Variants in FILIP1L observed in about 807,000 individuals in gnomAD.
FILIP1L encodes filamin A-interacting protein 1-like.
Under a neutral mutation model 96.6 loss-of-function variants are expected in FILIP1L, and 55 were observed. The observed-to-expected ratio is 0.57, with a 90% CI of 0.46 to 0.71. The LOEUF (loss-of-function observed/expected upper bound fraction) is 0.71, where lower values mean the gene tolerates loss of function less well. Ranked by LOEUF, FILIP1L falls within the 30% of genes least tolerant of loss-of-function variation. The pLI, the probability that FILIP1L is intolerant of heterozygous loss-of-function variation, is 0.00. For missense variants in FILIP1L, 1,304 were observed against 1,321.2 expected, an observed-to-expected ratio of 0.99 and a Z score of 0.20; for synonymous variants, 467 against 473.9, an observed-to-expected ratio of 0.99 and a Z score of 0.19.
chr3:99,969,103 A>AG (rs955243745), intron 1 of FILIP1L, among the ~76,000 whole-genome samples: 3 of 152,162 alleles, frequency 2.0e-5, no homozygotes, highest in Non-Finnish European at 4.4e-5. Flanking sequence ...AGTGCTGAAA[A>AG]GGGGGGCCAT....
At chr3:100,018,924 G>A (rs974824258) in intron 1 of FILIP1L, among the ~76,000 whole-genome samples, 3 of 152,028 alleles carry the variant, frequency 2.0e-5, no homozygotes, top group Non-Finnish European at 4.4e-5. Flanking sequence ...AAGATAAATA[G>A]CCAAGAGGTA....
chr3:100,080,661 G>C (rs1167865116), intron 1 of FILIP1L, among the ~76,000 whole-genome samples: 2 of 152,220 alleles, frequency 1.3e-5, no homozygotes, highest in Non-Finnish European at 2.9e-5. Flanking sequence ...AGGCAGTGGG[G>C]ATGGCAGAAA....
intron 4 of FILIP1L, among the ~76,000 whole-genome samples, chr3:99,901,566 A>G (rs1221713551): frequency 6.6e-6 from 1 of 152,174 alleles, no homozygotes; most frequent in African/African-American, 2.4e-5. Context: ...ACTGTACATC[A>G]AGGCCTATGA....
At chr3:99,923,012 G>A (rs927521362) in intron 4 of FILIP1L, among the ~76,000 whole-genome samples, 2 of 151,754 alleles carry the variant, frequency 1.3e-5, no homozygotes, top group East Asian at 1.9e-4. Context: ...GGTGCTATTT[G>A]ACTGTTCACT....
intron 1 of FILIP1L, among the ~76,000 whole-genome samples, chr3:99,979,772 A>G (rs1709067530): frequency 6.6e-6 from 1 of 152,222 alleles, no homozygotes. Flanking sequence ...GGATATAAAG[A>G]GGAATGGGAC....
chr3:100,091,431 G>A (rs958938959), intron 1 of FILIP1L, among the ~76,000 whole-genome samples: 13 of 152,126 alleles, frequency 8.5e-5, no homozygotes, highest in African/African-American at 3.1e-4. Flanking sequence ...CTCATGTTTT[G>A]TAAGGGAAGA....
chr3:99,974,297 G>C (rs1362394322), intron 1 of FILIP1L, among the ~76,000 whole-genome samples: 1 of 152,180 alleles, frequency 6.6e-6, no homozygotes, highest in African/African-American at 2.4e-5. Flanking sequence ...TTATGGTTTG[G>C]ACCTGCAGTT....
intron 1 of FILIP1L, among the ~76,000 whole-genome samples, chr3:100,044,349 C>G (rs1234260508): frequency 6.6e-6 from 1 of 151,904 alleles, no homozygotes; most frequent in Non-Finnish European, 1.5e-5. Context: ...GTATTTACAT[C>G]ATAGTATAAA....
chr3:99,963,459 T>C (rs1436606631), intron 1 of FILIP1L, among the ~76,000 whole-genome samples: 2 of 152,118 alleles, frequency 1.3e-5, no homozygotes, highest in African/African-American at 4.8e-5. Context: ...ACGGTCTCTG[T>C]GGGTCCAAAA....
At position 99,849,533 on chromosome 3, in the gene FILIP1L, G is replaced by C; in HGVS notation, c.2143C>G (p.Leu715Val). Residue 715 changes from leucine (L) to valine (V), a missense_variant, in exon 5 of 6, where the codon CTC becomes GTC. Leu to Val is a conservative substitution (Grantham distance 32, BLOSUM62 1). Coordinates refer to ENST00000477258, the MANE Select transcript of FILIP1L (RefSeq NM_001387850.1). ...TTTAATGCATCCACTTCTCTTGAGA[G>C]GTGCCCTGACTTAGCTTCTTCTTCT... Reference protein sequence around the residue: ...LQEEEAKSGHLSREVDALKEK... With the variant: ...LQEEEAKSGHVSREVDALKEK... 1 of 1,613,218 alleles carries C rather than the reference G, an allele frequency of 6.2e-7. No individual in the cohort carries two copies. The highest frequency in any genetic ancestry group is 8.5e-7 in the Non-Finnish European group (1 of 1,179,854).
chr3:100,066,522 T>TAAAGA (rs1315180853), intron 1 of FILIP1L, among the ~76,000 whole-genome samples: 31 of 74,078 alleles, frequency 4.2e-4, no homozygotes, highest in South Asian at 1.8e-3. Context: ...TGCTTCTTTT[T>TAAAGA]TTTTTTTTTT....
At chr3:100,038,416 T>C (rs939195096) in intron 1 of FILIP1L, among the ~76,000 whole-genome samples, 1 of 152,192 alleles carries the variant, frequency 6.6e-6, no homozygotes, top group African/African-American at 2.4e-5. Context: ...AGCCAAATTA[T>C]TTCTTTTTTC....
chr3:100,098,157 C>A (rs1016616407), intron 1 of FILIP1L, among the ~76,000 whole-genome samples: 1 of 152,204 alleles, frequency 6.6e-6, no homozygotes, highest in Non-Finnish European at 1.5e-5. Context: ...GCACAGCCAG[C>A]TGAAAGCCTC....
chr3:99,939,314 C>A (rs561352704), intron 1 of FILIP1L, among the ~76,000 whole-genome samples: 1 of 152,166 alleles, frequency 6.6e-6, no homozygotes, highest in African/African-American at 2.4e-5. Flanking sequence ...AACTTTAGTT[C>A]GTGTATCCTG....
intron 1 of FILIP1L, among the ~76,000 whole-genome samples, chr3:99,974,260 T>C (rs1559709968): frequency 2.0e-5 from 3 of 152,220 alleles, no homozygotes; most frequent in Admixed American, 2.0e-4. Context: ...TATATACAGT[T>C]CGTGCTTTCA....
intron 1 of FILIP1L, 78 bp from the exon 2 acceptor site, chr3:99,931,108 G>A (rs1335805618): frequency 2.1e-5 from 25 of 1,206,538 alleles, no homozygotes; most frequent in Non-Finnish European, 2.9e-5. Flanking sequence ...GCTTTAACAA[G>A]TCTACATTCT....
At chr3:100,064,134 T>C (rs1175024462) in intron 1 of FILIP1L, among the ~76,000 whole-genome samples, 1 of 152,188 alleles carries the variant, frequency 6.6e-6, no homozygotes, top group African/African-American at 2.4e-5. Flanking sequence ...GAAAGTGAAT[T>C]TGAGGTCTGC....
chr3:99,971,089 G>A (rs1193877791), intron 1 of FILIP1L, among the ~76,000 whole-genome samples: 2 of 152,198 alleles, frequency 1.3e-5, no homozygotes, highest in Admixed American at 1.3e-4. Flanking sequence ...TGTAATCCCA[G>A]CACTTTGGGA....
chr3:100,029,223 T>C (rs2064981745), intron 1 of FILIP1L, among the ~76,000 whole-genome samples: 1 of 151,854 alleles, frequency 6.6e-6, no homozygotes, highest in South Asian at 2.1e-4. Context: ...AAGAATTATT[T>C]TTTATTTTCA....
Sources: gnomAD v4.1 joint callset for allele counts (sites outside exome capture counted in the v4.1 genomes callset) on GRCh38, gnomAD v4.1.1 for gene constraint, MANE v1.5 for transcripts, NCBI Gene and HGNC (gene_info 2026-07-23, HGNC 2026-07-21) for gene names.